PTCHD4: variants seen among roughly 807,000 people sequenced by gnomAD.
The protein encoded by PTCHD4 is patched domain-containing protein 4.
In PTCHD4, 33 loss-of-function variants were observed where a neutral mutation model predicts 58.1. The ratio of observed to expected loss-of-function variants is 0.57; its 90% confidence interval spans 0.43 to 0.76. The LOEUF (loss-of-function observed/expected upper bound fraction) is 0.76. Among genes scored for constraint, PTCHD4 ranks in the 30% least tolerant of loss-of-function variants. The pLI is 0.00. For synonymous variants in PTCHD4, 478 were observed against 409.6 expected (o/e 1.17, Z -2.02); for missense variants, 1,058 against 1,027.1 (o/e 1.03, Z -0.41).
intron 4 of PTCHD4, among the ~76,000 whole-genome samples, chr6:47,923,421 C>A (rs1222343955): frequency 6.6e-6 from 1 of 152,148 alleles, no homozygotes; most frequent in Non-Finnish European, 1.5e-5. Context: ...TAGCACTAAG[C>A]ACTTTTGATA....
intron 1 of PTCHD4, among the ~76,000 whole-genome samples, chr6:48,073,472 A>G (rs1387365057): frequency 6.6e-6 from 1 of 152,176 alleles, no homozygotes; most frequent in Non-Finnish European, 1.5e-5. Flanking sequence ...ATTCACAAAA[A>G]CTCAGTAAGT....
At chr6:47,995,610 A>G (rs768888111) in intron 4 of PTCHD4, among the ~76,000 whole-genome samples, 1 of 152,208 alleles carries the variant, frequency 6.6e-6, no homozygotes, top group Non-Finnish European at 1.5e-5. Flanking sequence ...TTCTTGACCC[A>G]TAAGACAGAA....
At chr6:47,896,469 A>G (rs1300182928) in intron 4 of PTCHD4, among the ~76,000 whole-genome samples, 1 of 152,234 alleles carries the variant, frequency 6.6e-6, no homozygotes, top group East Asian at 1.9e-4. Flanking sequence ...TTGATTTGCT[A>G]GTGGAGTTGC....
At chr6:47,994,173 G>A (rs151133745) in intron 4 of PTCHD4, among the ~76,000 whole-genome samples, 19 of 152,274 alleles carry the variant, frequency 1.2e-4, no homozygotes, top group African/African-American at 4.6e-4. Flanking sequence ...GATACTGGGT[G>A]ATGCAGTCCA....
At chr6:47,949,743 G>T (rs1766563238) in intron 4 of PTCHD4, among the ~76,000 whole-genome samples, 1 of 151,874 alleles carries the variant, frequency 6.6e-6, no homozygotes, top group Non-Finnish European at 1.5e-5. Flanking sequence ...ACTAGCCTTG[G>T]GGTAATGATC....
At chr6:48,092,667 C>G (rs923786162) in intron 1 of PTCHD4, among the ~76,000 whole-genome samples, 1 of 152,004 alleles carries the variant, frequency 6.6e-6, no homozygotes. Flanking sequence ...ATGGGGGTAC[C>G]AAACAGGTTT....
At chr6:48,007,241 C>G (rs886519994) in intron 4 of PTCHD4, among the ~76,000 whole-genome samples, 4 of 151,034 alleles carry the variant, frequency 2.6e-5, no homozygotes, top group East Asian at 3.9e-4. Flanking sequence ...CTCTGTCCCC[C>G]CAAAAAAAAG....
chr6:47,948,419 C>G (rs1766502275), intron 4 of PTCHD4, among the ~76,000 whole-genome samples: 1 of 152,170 alleles, frequency 6.6e-6, no homozygotes, highest in Non-Finnish European at 1.5e-5. Flanking sequence ...GCAAGCCCCA[C>G]CCACCCTCAA....
intron 4 of PTCHD4, among the ~76,000 whole-genome samples, chr6:48,002,112 C>G (rs112605935): frequency 6.6e-6 from 1 of 152,154 alleles, no homozygotes; most frequent in African/African-American, 2.4e-5. Flanking sequence ...CAGGAAACAA[C>G]AGGTGCTGGA....
Position 47,868,019 on chromosome 6 carries a change from T to G in PTCHD4, c.*10284A>C, listed in dbSNP as rs1763615254. Among the ~76,000 whole-genome samples, 2 of 151,894 alleles carry G rather than the reference T, an allele frequency of 1.3e-5. No homozygotes were observed. The highest frequency in any genetic ancestry group is 3.9e-4 in the East Asian group (2 of 5,132). ...TCTTTTTAAAGAGTAACAAACTTTT[T>G]GGAGACTTAGATATGTCAGGGTTTT... On this transcript the variant is annotated 3_prime_UTR_variant, in exon 5 of 5. Transcript: ENST00000339488.
At position 47,931,814 on chromosome 6, in the gene PTCHD4, C is replaced by T. The variant is rs111695586; in HGVS notation, c.899-51878G>A. On this transcript the variant is annotated intron_variant, in intron 4 of 4. Coordinates refer to ENST00000339488, the MANE Select transcript of PTCHD4 (RefSeq NM_001384253.1). Reference sequence around the variant, plus strand: ...GATTATGCTCATCTCTTAGGGGCCACGAAGTTTTCCTAGACAGTGTGTCGT... The same window carrying T: ...GATTATGCTCATCTCTTAGGGGCCATGAAGTTTTCCTAGACAGTGTGTCGT... Among the ~76,000 whole-genome samples the T allele has an allele frequency of 5.2e-3, 795 of 151,784 alleles. 7 individuals are homozygous for T. The highest frequency in any genetic ancestry group is 0.018 in the African/African-American group (727 of 41,478).
At position 48,070,161 on chromosome 6, in the gene PTCHD4, A is replaced by G. The variant is rs1270901286; in HGVS notation, c.-969-235T>C. On this transcript the variant is annotated intron_variant, in intron 1 of 4. Coordinates refer to ENST00000339488, the MANE Select transcript of PTCHD4 (RefSeq NM_001384253.1). ...TGTGTGTGTGTGTGTGTGTGTATAT[A>G]TATATATGAATTTTTTAGGGCAAAC... Among the ~76,000 whole-genome samples the G allele has an allele frequency of 9.9e-5, 15 of 151,768 alleles. No homozygotes were observed. The South Asian group carries it at 1.9e-3, about 19-fold the overall frequency.
At chr6:48,080,416 T>A (rs1398979289) in intron 1 of PTCHD4, among the ~76,000 whole-genome samples, 1 of 152,242 alleles carries the variant, frequency 6.6e-6, no homozygotes, top group Non-Finnish European at 1.5e-5. Context: ...GAAACTGTGA[T>A]GAAACGTCTT....
At chr6:47,920,679 A>G (rs1765402952) in intron 4 of PTCHD4, among the ~76,000 whole-genome samples, 1 of 152,206 alleles carries the variant, frequency 6.6e-6, no homozygotes, top group African/African-American at 2.4e-5. Context: ...ACACTTATAA[A>G]GATCCACCCA....
chr6:47,908,769 G>A (rs1189233396), intron 4 of PTCHD4, among the ~76,000 whole-genome samples: 1 of 152,106 alleles, frequency 6.6e-6, no homozygotes, highest in Non-Finnish European at 1.5e-5. Flanking sequence ...ATTATGCCAT[G>A]ACTATAAATT....
Position 47,879,631 on chromosome 6 carries a change from A to G in PTCHD4, c.1204T>C (p.Phe402Leu), listed in dbSNP as rs1324179636. 1.2e-6 allele frequency: 2 copies of G among 1,613,560 alleles called. No homozygotes were observed. The highest frequency in any genetic ancestry group is 1.7e-6 in the Non-Finnish European group (2 of 1,179,738). ...TCTGCAGAAGGGATCTTACAGCAAA[A>G]GATGCTGTGGTAGCGGTTTTGCTCT... ...QLEQNRYHSI[F>L]CCKIPSAEYL... Residue 402 changes from phenylalanine to leucine, a missense_variant, in exon 5 of 5, where the codon TTT (phenylalanine) becomes CTT (leucine). Transcript: ENST00000339488.
At chr6:48,046,396 T>C (rs971349216) in intron 3 of PTCHD4, among the ~76,000 whole-genome samples, 1 of 151,848 alleles carries the variant, frequency 6.6e-6, no homozygotes, top group Non-Finnish European at 1.5e-5. Context: ...CTCCTCTTAA[T>C]AGGATTCTGA....
At chr6:47,948,712 C>G (rs1160247694) in intron 4 of PTCHD4, among the ~76,000 whole-genome samples, 4 of 152,102 alleles carry the variant, frequency 2.6e-5, no homozygotes, top group African/African-American at 9.7e-5. Context: ...ACACTGCAGC[C>G]TATAAGATCT....
chr6:47,917,783 A>G (rs1190232570), intron 4 of PTCHD4, among the ~76,000 whole-genome samples: 3 of 152,276 alleles, frequency 2.0e-5, no homozygotes, highest in South Asian at 2.1e-4. Flanking sequence ...CCTGCAATTT[A>G]TTTCTATTCT....
Sources: allele counts gnomAD v4.1 joint callset (sites outside exome capture counted in the v4.1 genomes callset), GRCh38; gene constraint gnomAD v4.1.1; transcripts MANE v1.5; gene names NCBI Gene and HGNC (gene_info 2026-07-23, HGNC 2026-07-21).